PXDNL: variants seen among roughly 807,000 people sequenced by gnomAD.
PXDNL encodes peroxidasin like.
A neutral mutation model predicts 150.8 loss-of-function variants in PXDNL; 145 were observed. The ratio of observed to expected loss-of-function variants is 0.96; its 90% CI spans 0.84 to 1.10. PXDNL has a LOEUF of 1.10. PXDNL is among the 50% of genes least tolerant of loss of function. PXDNL has a pLI of 0.00. For missense variants in PXDNL, 2,087 were observed against 1,873.9 expected (o/e 1.11, Z -2.10); for synonymous variants, 757 against 725.7 (o/e 1.04, Z -0.69).
intron 1 of PXDNL, among the ~76,000 whole-genome samples, chr8:51,675,188 T>A (rs1815586782): frequency 6.6e-6 from 1 of 152,158 alleles, no homozygotes; most frequent in South Asian, 2.1e-4. Context: ...TCTGAATGTC[T>A]CCCCTCCAAA....
chr8:51,453,535 T>C lies in PXDNL; in HGVS notation c.1233A>G (p.Ala411=), dbSNP rs752322737. ...NNSHGTVQAA[A]NIIVQAPPQF... ...CTCCCATACCTTGTACAATTATGTT[T>C]GCTGCAGCTTGAACAGTGCCGTGGC... Residue 411 remains alanine (A), a synonymous_variant, in exon 10 of 23, where the codon GCA becomes GCG. Coordinates refer to ENST00000356297, the MANE Select transcript of PXDNL (RefSeq NM_144651.5). 30 of 1,613,928 alleles carry C rather than the reference T, an allele frequency of 1.9e-5. No individual in the cohort carries two copies. Among genetic ancestry groups the C allele is most frequent in the Non-Finnish European group, 2.5e-5 (29 of 1,179,876 alleles).
intron 1 of PXDNL, among the ~76,000 whole-genome samples, chr8:51,747,478 A>G (rs144451510): frequency 2.2e-4 from 34 of 152,316 alleles, no homozygotes; most frequent in African/African-American, 7.2e-4. Flanking sequence ...CCACAACACA[A>G]TGTAGACAGA....
intron 1 of PXDNL, among the ~76,000 whole-genome samples, chr8:51,729,708 G>T (rs1400639224): frequency 2.0e-5 from 3 of 152,176 alleles, no homozygotes; most frequent in African/African-American, 7.2e-5. Context: ...TTTATAGAAG[G>T]TTTAATCATC....
At chr8:51,469,212 TA>T (rs1810269923) in intron 8 of PXDNL, among the ~76,000 whole-genome samples, 1 of 152,062 alleles carries the variant, frequency 6.6e-6, no homozygotes, top group Non-Finnish European at 1.5e-5. Context: ...ACCGCAAATA[TA>T]ACTGCTGTAC....
intron 1 of PXDNL, among the ~76,000 whole-genome samples, chr8:51,726,630 C>A (rs1242371781): frequency 2.0e-5 from 3 of 152,174 alleles, no homozygotes; most frequent in Admixed American, 2.0e-4. Context: ...TAGAAGATAG[C>A]AGATTCCTAG....
At chr8:51,491,435 A>G (rs1810892979) in intron 5 of PXDNL, among the ~76,000 whole-genome samples, 1 of 152,216 alleles carries the variant, frequency 6.6e-6, no homozygotes, top group Non-Finnish European at 1.5e-5. Context: ...ATATGATTTG[A>G]TATCACATGT....
intron 19 of PXDNL, among the ~76,000 whole-genome samples, chr8:51,357,191 G>C (rs752746281): frequency 6.6e-4 from 100 of 152,174 alleles, no homozygotes; most frequent in Non-Finnish European, 1.2e-3. Flanking sequence ...ATCCTTACCA[G>C]TATTAATCCT....
chr8:51,371,759 T>C, intron 19 of PXDNL, 114 bp downstream of exon 19: 2 of 963,490 alleles, frequency 2.1e-6, no homozygotes, highest in South Asian at 1.6e-5. Context: ...AAGTTCTGTG[T>C]TGTTGGCTTT....
intron 20 of PXDNL, among the ~76,000 whole-genome samples, chr8:51,345,213 A>T (rs1490189514): frequency 6.6e-6 from 1 of 152,230 alleles, no homozygotes; most frequent in Non-Finnish European, 1.5e-5. Context: ...AAAAGGAGCT[A>T]CTGGACATAC....
Position 51,344,486 on chromosome 8 carries a change from G to A in PXDNL, c.4016+1347C>T, listed in dbSNP as rs952153635. On this transcript the variant is annotated intron_variant, in intron 20 of 22. Transcript: ENST00000356297. ...CTTTCAGACTTGGACTCCCCTAAATGCTATCAAAATCTTAGCTTATCCTTC... is the reference window on the plus strand; with the variant it reads ...CTTTCAGACTTGGACTCCCCTAAATACTATCAAAATCTTAGCTTATCCTTC... 8.9e-4 allele frequency among the ~76,000 whole-genome samples: 135 copies of A among 151,982 alleles called. 2 individuals carry two copies. Among genetic ancestry groups the A allele is most frequent in the Non-Finnish European group, 1.5e-4 (10 of 68,020 alleles).
chr8:51,723,437 G>T (rs542068825), intron 1 of PXDNL, among the ~76,000 whole-genome samples: 1 of 152,316 alleles, frequency 6.6e-6, no homozygotes, highest in Admixed American at 6.5e-5. Flanking sequence ...TCAGGTAAAA[G>T]AGACACTAGA....
intron 22 of PXDNL, 116 bp downstream of exon 22, chr8:51,320,668 C>T: frequency 9.5e-6 from 7 of 737,540 alleles, no homozygotes; most frequent in Non-Finnish European, 1.4e-5. Context: ...TAAAAATATG[C>T]CTAGAATCTA....
chr8:51,369,231 C>T (rs1807017713), intron 19 of PXDNL, among the ~76,000 whole-genome samples: 1 of 152,118 alleles, frequency 6.6e-6, no homozygotes, highest in African/African-American at 2.4e-5. Flanking sequence ...GTAGTCAATA[C>T]CAGCACTTCT....
At chr8:51,455,955 C>G (rs112965277) in intron 9 of PXDNL, among the ~76,000 whole-genome samples, 1 of 152,136 alleles carries the variant, frequency 6.6e-6, no homozygotes, top group Non-Finnish European at 1.5e-5. Context: ...TTCAATCAAT[C>G]GCTAACTCAA....
At chr8:51,801,162 ATAAACAGCCGCTCTGG>A (rs2037615150) in intron 1 of PXDNL, among the ~76,000 whole-genome samples, 5 of 152,150 alleles carry the variant, frequency 3.3e-5, no homozygotes, top group Admixed American at 2.0e-4. Flanking sequence ...GGGGAGGTCT[ATAAACAGCCGCTCTGG>A]GAGTGTCTGT....
At chr8:51,555,824 T>G (rs1812587402) in intron 4 of PXDNL, among the ~76,000 whole-genome samples, 1 of 152,202 alleles carries the variant, frequency 6.6e-6, no homozygotes, top group Non-Finnish European at 1.5e-5. Flanking sequence ...AAACATCAAA[T>G]TGCAGTTTAG....
intron 2 of PXDNL, among the ~76,000 whole-genome samples, chr8:51,610,869 T>TTAAAG (rs1469540294): frequency 6.6e-6 from 1 of 152,224 alleles, no homozygotes; most frequent in Non-Finnish European, 1.5e-5. Context: ...CCCATCTGGT[T>TTAAAG]AGGCCAGGCC....
At chr8:51,433,995 C>A (rs1249014285) in intron 12 of PXDNL, among the ~76,000 whole-genome samples, 1 of 151,920 alleles carries the variant, frequency 6.6e-6, no homozygotes, top group Non-Finnish European at 1.5e-5. Flanking sequence ...TATTGAATTT[C>A]TTTTTTTGAA....
At chr8:51,453,006 A>G (rs913930555) in intron 10 of PXDNL, among the ~76,000 whole-genome samples, 3 of 151,638 alleles carry the variant, frequency 2.0e-5, no homozygotes, top group Non-Finnish European at 4.4e-5. Flanking sequence ...GAACCAAAGT[A>G]CAAAGAAGAA....
Sources: gnomAD v4.1 joint callset for allele counts (sites outside exome capture counted in the v4.1 genomes callset) on GRCh38, gnomAD v4.1.1 for gene constraint, MANE v1.5 for transcripts, NCBI Gene and HGNC (gene_info 2026-07-23, HGNC 2026-07-21) for gene names.